The following CSGALNACT1 variants were observed in gnomAD, a reference collection of about 807,000 sequenced individuals.
CSGALNACT1 encodes the protein chondroitin sulfate N-acetylgalactosaminyltransferase 1.
Under a neutral mutation model 51.0 loss-of-function variants are expected in CSGALNACT1, and 52 were observed. That is an observed-to-expected ratio of 1.02 (90% CI 0.82 to 1.29). The LOEUF is 1.29. Ranked by LOEUF, CSGALNACT1 falls within the 50% of genes most tolerant of loss-of-function variation. The pLI is 0.00. For synonymous variants in CSGALNACT1, 341 were observed against 254.4 expected (o/e 1.34, Z -3.24); for missense variants, 935 against 679.2 (o/e 1.38, Z -4.19).
intron 4 of CSGALNACT1, among the ~76,000 whole-genome samples, chr8:19,492,385 G>C (rs546439096): frequency 6.6e-6 from 1 of 152,224 alleles, no homozygotes; most frequent in African/African-American, 2.4e-5. Flanking sequence ...AATTATCCCA[G>C]GATGGTAAAT....
chr8:19,754,152 C>T (rs973635853), intron 1 of CSGALNACT1, among the ~76,000 whole-genome samples: 5 of 152,218 alleles, frequency 3.3e-5, no homozygotes, highest in Admixed American at 6.5e-5. Flanking sequence ...CTCAGCCTCC[C>T]GGGTAGCTAG....
At chr8:19,623,570 C>A (rs1299077973) in intron 1 of CSGALNACT1, among the ~76,000 whole-genome samples, 7 of 152,288 alleles carry the variant, frequency 4.6e-5, no homozygotes, top group African/African-American at 1.7e-4. Context: ...ATGTTTACAA[C>A]AATTAACTAC....
Position 19,505,287 on chromosome 8 carries a change from G to A in CSGALNACT1, c.548C>T (p.Ala183Val), listed in dbSNP as rs759258619. ...CAGGGTCTCCAAGGCTGATTCAATG[G>A]CTTCCACCAACTCATCCCGCTTGTC... Residue 183 changes from alanine to valine, a missense_variant, in exon 4 of 10, where the codon GCC becomes GTC. Transcript: ENST00000454498. The A allele has an allele frequency of 5.0e-6, 8 of 1,614,066 alleles. No individual in the cohort carries two copies. In the African/African-American group the frequency reaches 1.1e-4, roughly 22 times the overall value.
intron 4 of CSGALNACT1, among the ~76,000 whole-genome samples, chr8:19,462,846 C>A (rs191680368): frequency 1.5e-4 from 22 of 151,564 alleles, no homozygotes; most frequent in African/African-American, 5.1e-4. Context: ...TCAGAAGGAA[C>A]ATGTGTAGGT....
At chr8:19,626,697 C>G (rs530628447) in intron 1 of CSGALNACT1, among the ~76,000 whole-genome samples, 2 of 152,294 alleles carry the variant, frequency 1.3e-5, no homozygotes, top group Non-Finnish European at 2.9e-5. Flanking sequence ...GACTTGCTTT[C>G]AGTATATTTA....
intron 3 of CSGALNACT1, among the ~76,000 whole-genome samples, chr8:19,555,899 C>T (rs966490088): frequency 6.6e-6 from 1 of 152,184 alleles, no homozygotes; most frequent in Non-Finnish European, 1.5e-5. Context: ...GGTAACTCAG[C>T]ACAGTCACAG....
intron 6 of CSGALNACT1, among the ~76,000 whole-genome samples, chr8:19,425,215 C>A (rs1323126819): frequency 6.6e-6 from 1 of 152,138 alleles, no homozygotes; most frequent in Admixed American, 6.6e-5. Flanking sequence ...GGTGGTGGCG[C>A]CTGTAGTCCT....
At chr8:19,455,172 C>A (rs115066004) in intron 5 of CSGALNACT1, among the ~76,000 whole-genome samples, 1 of 152,160 alleles carries the variant, frequency 6.6e-6, no homozygotes, top group Non-Finnish European at 1.5e-5. Flanking sequence ...ACTGCTTAAA[C>A]ATCTTATAAT....
At chr8:19,470,942 A>G (rs1288652911) in intron 4 of CSGALNACT1, among the ~76,000 whole-genome samples, 4 of 152,104 alleles carry the variant, frequency 2.6e-5, no homozygotes, top group Non-Finnish European at 4.4e-5. Flanking sequence ...CTAAAAATAC[A>G]AAAATTAGCT....
intron 1 of CSGALNACT1, among the ~76,000 whole-genome samples, chr8:19,630,485 C>G (rs781188350): frequency 2.0e-5 from 3 of 151,872 alleles, no homozygotes; most frequent in Non-Finnish European, 4.4e-5. Context: ...CCAATATGGA[C>G]ACACTATTAT....
intron 4 of CSGALNACT1, among the ~76,000 whole-genome samples, chr8:19,489,243 T>C (rs903817185): frequency 6.6e-6 from 1 of 152,192 alleles, no homozygotes; most frequent in African/African-American, 2.4e-5. Context: ...CCTTCTATTT[T>C]ACAGAGTAAA....
At chr8:19,535,527 T>A (rs1331913717) in intron 3 of CSGALNACT1, among the ~76,000 whole-genome samples, 1 of 152,218 alleles carries the variant, frequency 6.6e-6, no homozygotes, top group East Asian at 1.9e-4. Flanking sequence ...AATCACTAGT[T>A]CAATTAAATG....
chr8:19,727,397 G>T (rs2063461456), intron 1 of CSGALNACT1, among the ~76,000 whole-genome samples: 1 of 152,162 alleles, frequency 6.6e-6, no homozygotes, highest in Non-Finnish European at 1.5e-5. Flanking sequence ...ACTCAGGCTG[G>T]AGTGCAGTGG....
intron 3 of CSGALNACT1, among the ~76,000 whole-genome samples, chr8:19,563,071 T>C (rs142148629): frequency 0.014 from 2,058 of 152,222 alleles, 48 homozygotes; most frequent in South Asian, 0.061. Context: ...ATGTGGTACA[T>C]ACACACCATG....
At chr8:19,639,659 C>T (rs1403164460) in intron 1 of CSGALNACT1, among the ~76,000 whole-genome samples, 1 of 152,088 alleles carries the variant, frequency 6.6e-6, no homozygotes, top group Admixed American at 6.5e-5. Context: ...GGTAATTTAA[C>T]ATTTGACAAA....
At chr8:19,615,326 A>C (rs6988825) in intron 1 of CSGALNACT1, among the ~76,000 whole-genome samples, 29,991 of 152,112 alleles carry the variant, frequency 0.2, 4,481 homozygotes, top group African/African-American at 0.42. Context: ...ATAAATAACG[A>C]TTTCCATCCA....
intron 1 of CSGALNACT1, among the ~76,000 whole-genome samples, chr8:19,620,502 A>T (rs1050209145): frequency 2.0e-5 from 3 of 151,042 alleles, no homozygotes; most frequent in Admixed American, 6.6e-5. Flanking sequence ...GCACGATCAT[A>T]GGTCACTGCT....
At chr8:19,596,190 G>T (rs2048858686) in intron 2 of CSGALNACT1, among the ~76,000 whole-genome samples, 1 of 152,074 alleles carries the variant, frequency 6.6e-6, no homozygotes, top group Non-Finnish European at 1.5e-5. Context: ...CCTCAGGAAA[G>T]GTATCACATT....
intron 8 of CSGALNACT1, among the ~76,000 whole-genome samples, chr8:19,409,722 A>G (rs2055245851): frequency 6.6e-6 from 1 of 152,278 alleles, no homozygotes; most frequent in East Asian, 1.9e-4. Flanking sequence ...TTGGATTTGT[A>G]TAGATTTTGT....
Sources: gnomAD v4.1 joint callset for allele counts (sites outside exome capture counted in the v4.1 genomes callset) on GRCh38, gnomAD v4.1.1 for gene constraint, MANE v1.5 for transcripts, NCBI Gene and HGNC (gene_info 2026-07-23, HGNC 2026-07-21) for gene names.